Variants in PDE8B observed in about 807,000 individuals in gnomAD.
PDE8B encodes the protein high affinity cAMP-specific and IBMX-insensitive 3',5'-cyclic phosphodiesterase 8B.
Under a neutral mutation model 101.3 loss-of-function variants are expected in PDE8B, and 26 were observed. That is an observed-to-expected ratio of 0.26 (90% confidence interval 0.19 to 0.36). The LOEUF (loss-of-function observed/expected upper bound fraction) is 0.36, where lower values mean the gene tolerates loss of function less well. Ranked by LOEUF, PDE8B falls within the 10% of genes least tolerant of loss-of-function variation. The probability of loss-of-function intolerance (pLI) is 1.00; values close to 1 mark genes in which losing one functional copy is unlikely to be tolerated. For synonymous variants in PDE8B, 424 were observed against 429.3 expected, an observed-to-expected ratio of 0.99 and a Z score of 0.15; for missense variants, 810 against 1,163.1, an observed-to-expected ratio of 0.70 and a Z score of 4.42.
At chr5:77,100,274 C>T in the PDE8B span, 1 of 152,198 alleles carries the variant, frequency 6.6e-6, no homozygotes, top group Non-Finnish European at 1.5e-5. Context: ...AGTGTACTTT[C>T]TGTCTACTTC....
At chr5:77,229,483 G>GT (rs1239243313) in intron 1 of PDE8B, among the ~76,000 whole-genome samples, 3 of 152,180 alleles carry the variant, frequency 2.0e-5, no homozygotes, top group African/African-American at 7.2e-5. Context: ...GAAGTGCACA[G>GT]TTCTTTGCTT....
At chr5:77,115,172 T>G in the PDE8B span, 1 of 152,222 alleles carries the variant, frequency 6.6e-6, no homozygotes, top group South Asian at 2.1e-4. Flanking sequence ...AAAACATATC[T>G]TTGTGTTTTA....
chr5:77,290,264 C>T lies in PDE8B; in HGVS notation c.340-21730C>T, dbSNP rs570664899. 9.0e-6 allele frequency: 14 copies of T among 1,558,720 alleles called. No individual in the cohort carries two copies. In the Admixed American group the frequency reaches 9.2e-5, roughly 10 times the overall value. ...TTGGACCTTGGAGCAGGCCTGCTGC[C>T]TTCATGTCCACTCTCCTCATCAATC... On this transcript the variant is annotated intron_variant, in intron 1 of 21. Transcript: ENST00000264917.
At chr5:77,361,376 A>T (rs531514666) in intron 10 of PDE8B, among the ~76,000 whole-genome samples, 1 of 152,348 alleles carries the variant, frequency 6.6e-6, no homozygotes, top group African/African-American at 2.4e-5. Context: ...TAGTAGTTTC[A>T]TTGTGAATAA....
chr5:77,325,782 C>A (rs1021477029), intron 3 of PDE8B, 53 bp downstream of exon 3: 3 of 1,210,898 alleles, frequency 2.5e-6, no homozygotes, highest in East Asian at 4.7e-5. Context: ...CATCTTAAAA[C>A]GAATTTCATT....
At chr5:77,119,953 T>C in the PDE8B span, among the ~76,000 whole-genome samples, 2 of 152,070 alleles carry the variant, frequency 1.3e-5, no homozygotes, top group Non-Finnish European at 2.9e-5. Flanking sequence ...AAGGCTGCAG[T>C]GACCTATAAT....
chr5:77,224,502 C>G (rs1751899458), intron 1 of PDE8B, among the ~76,000 whole-genome samples: 1 of 152,132 alleles, frequency 6.6e-6, no homozygotes, highest in East Asian at 1.9e-4. Flanking sequence ...TCTTTTAAAG[C>G]AAATCTAAAA....
rs561428515 is a variant in PDE8B, at chr5:77,299,833, C to T, written c.340-12161C>T. Among the ~76,000 whole-genome samples the T allele has an allele frequency of 1.4e-3, 208 of 152,268 alleles. 1 individual carries two copies. The highest frequency in any genetic ancestry group is 0.01 in the Middle Eastern group (3 of 294). ...AAATGGTATTTCTAGTTCTAGATCC[C>T]TGAGGAATCGCCACACTGACTTCCA... On this transcript the variant is annotated intron_variant, in intron 1 of 21. Transcript: ENST00000264917.
intron 10 of PDE8B, among the ~76,000 whole-genome samples, chr5:77,398,939 G>A (rs1177868622): frequency 6.6e-6 from 1 of 152,216 alleles, no homozygotes; most frequent in Non-Finnish European, 1.5e-5. Context: ...CCCAAAGTCC[G>A]AGGAAGCTGA....
the PDE8B span, among the ~76,000 whole-genome samples, chr5:77,109,031 TG>T: frequency 3.3e-5 from 5 of 152,210 alleles, no homozygotes; most frequent in African/African-American, 1.2e-4. Flanking sequence ...GAGTGGGGTT[TG>T]GTTGGTTGCC....
chr5:77,365,113 T>G (rs1159600551), intron 10 of PDE8B, among the ~76,000 whole-genome samples: 1 of 152,158 alleles, frequency 6.6e-6, no homozygotes, highest in Non-Finnish European at 1.5e-5. Flanking sequence ...CTTCAGCACC[T>G]GTGTTCGATG....
At position 77,261,361 on chromosome 5, in the gene PDE8B, A is replaced by G. The variant is rs553425543; in HGVS notation, c.339+50097A>G. 1.6e-4 allele frequency among the ~76,000 whole-genome samples: 24 copies of G among 152,274 alleles called. No homozygotes were observed. In the East Asian group the frequency reaches 4.2e-3, roughly 27 times the overall value. On this transcript the variant is annotated intron_variant, in intron 1 of 21. Coordinates refer to ENST00000264917, the MANE Select transcript of PDE8B (RefSeq NM_003719.5). ...GAAGCCCAGGGTTTTTGAGAGGTGGAAGTTAAAGGGTTAAGTATTTCTGTT... is the reference window on the plus strand; with the variant it reads ...GAAGCCCAGGGTTTTTGAGAGGTGGGAGTTAAAGGGTTAAGTATTTCTGTT...
chr5:77,199,141 A>G, the PDE8B span, among the ~76,000 whole-genome samples: 1 of 152,152 alleles, frequency 6.6e-6, no homozygotes, highest in Admixed American at 6.5e-5. Flanking sequence ...CTTAAAAGTG[A>G]GAATTACTTG....
At chr5:77,175,920 T>G in the PDE8B span, among the ~76,000 whole-genome samples, 1 of 152,270 alleles carries the variant, frequency 6.6e-6, no homozygotes, top group East Asian at 1.9e-4. Flanking sequence ...ATCTTCAATC[T>G]TTGAAGAAGA....
intron 1 of PDE8B, among the ~76,000 whole-genome samples, chr5:77,293,310 A>G (rs2149968349): frequency 6.6e-6 from 1 of 152,354 alleles, no homozygotes; most frequent in East Asian, 1.9e-4. Flanking sequence ...GTAACTCTTC[A>G]CAGTTTTATT....
At chr5:77,296,204 T>A (rs2149993549) in intron 1 of PDE8B, among the ~76,000 whole-genome samples, 1 of 152,176 alleles carries the variant, frequency 6.6e-6, no homozygotes, top group South Asian at 2.1e-4. Flanking sequence ...CTCTCCCTCC[T>A]TTTCCTCCTC....
intron 4 of PDE8B, 103 bp downstream of exon 4, chr5:77,329,160 T>G: frequency 1.2e-6 from 1 of 856,614 alleles, no homozygotes; most frequent in Non-Finnish European, 2.0e-6. Context: ...GGGTGTGTCT[T>G]GGGTCCTAGA....
chr5:77,146,903 C>T, the PDE8B span: 9 of 417,914 alleles, frequency 2.2e-5, no homozygotes, highest in African/African-American at 4.2e-5. Context: ...GAGTATTGCC[C>T]GAAAATCAAA....
intron 10 of PDE8B, among the ~76,000 whole-genome samples, chr5:77,393,096 A>G (rs1790276287): frequency 6.6e-6 from 1 of 152,198 alleles, no homozygotes; most frequent in Non-Finnish European, 1.5e-5. Context: ...ATAAAAACTC[A>G]AGAACAGTAT....
Sources: allele counts gnomAD v4.1 joint callset (sites outside exome capture counted in the v4.1 genomes callset), GRCh38; gene constraint gnomAD v4.1.1; transcripts MANE v1.5; gene names NCBI Gene and HGNC (gene_info 2026-07-23, HGNC 2026-07-21).